MAPK10: variants seen among roughly 807,000 people sequenced by gnomAD.
The protein encoded by MAPK10 is mitogen-activated protein kinase 10, also known as JNK3 alpha protein kinase.
In MAPK10, 25 loss-of-function variants were observed where a neutral mutation model predicts 59.3. The ratio of observed to expected loss-of-function variants is 0.42; its 90% CI spans 0.31 to 0.59. The LOEUF is 0.59. Among genes scored for constraint, MAPK10 ranks in the 20% least tolerant of loss-of-function variants. MAPK10 has a pLI of 0.15. For missense variants in MAPK10, 351 were observed against 568.9 expected (o/e 0.62, Z 3.90); for synonymous variants, 190 against 200.5 (o/e 0.95, Z 0.44).
intron 2 of MAPK10, among the ~76,000 whole-genome samples, chr4:86,235,154 T>A (rs917163224): frequency 6.6e-6 from 1 of 152,192 alleles, no homozygotes; most frequent in Non-Finnish European, 1.5e-5. Flanking sequence ...TACACTGAGG[T>A]GAACTAAGGA....
intron 3 of MAPK10, among the ~76,000 whole-genome samples, chr4:86,185,936 A>C (rs903067896): frequency 6.6e-6 from 1 of 152,092 alleles, no homozygotes; most frequent in Non-Finnish European, 1.5e-5. Context: ...GATGTAGAAC[A>C]GACAGTTGAA....
intron 1 of MAPK10, among the ~76,000 whole-genome samples, chr4:86,461,004 GGGT>G (rs1157222276): frequency 9.9e-5 from 15 of 152,178 alleles, no homozygotes; most frequent in African/African-American, 3.6e-4. Context: ...CACTGGGTTA[GGGT>G]CTCCATGACC....
intron 2 of MAPK10, among the ~76,000 whole-genome samples, chr4:86,203,386 C>T (rs960286783): frequency 8.6e-5 from 13 of 151,794 alleles, no homozygotes; most frequent in African/African-American, 2.9e-4. Context: ...TGTTTAAATT[C>T]TTGTGTATCT....
At position 86,107,306 on chromosome 4, in the gene MAPK10, G is replaced by A. The variant is rs200318419; in HGVS notation, c.283C>T (p.Leu95Phe). Reference sequence around the variant, plus strand: ...GTTTGGTTCTGAAAGGGTCTGCTGAGCTTCTTAATGGCCACATTTCTGTCA... The same window carrying A: ...GTTTGGTTCTGAAAGGGTCTGCTGAACTTCTTAATGGCCACATTTCTGTCA... ...VLDRNVAIKKLSRPFQNQTHA... is the reference protein window; with the variant it reads ...VLDRNVAIKKFSRPFQNQTHA... The change falls in exon 5 of 14, where the codon CTC (leucine) becomes TTC (phenylalanine). Residue 95 changes from leucine (L) to phenylalanine (F), a missense_variant. Leu to Phe is a conservative substitution (Grantham distance 22). Around this residue, in one of 5 missense-constraint regions of MAPK10, gnomAD observed 51 missense variants for 72.7 expected, o/e 0.70. Coordinates refer to ENST00000641462, the MANE Select transcript of MAPK10 (RefSeq NM_138982.4). 6.2e-7 allele frequency: 1 copy of A among 1,613,112 alleles called. No homozygotes were observed. Among genetic ancestry groups the A allele is most frequent in the Non-Finnish European group, 8.5e-7 (1 of 1,179,464 alleles).
intron 9 of MAPK10, among the ~76,000 whole-genome samples, chr4:86,083,218 C>T (rs1039848724): frequency 2.6e-5 from 4 of 152,028 alleles, no homozygotes; most frequent in Non-Finnish European, 5.9e-5. Flanking sequence ...ACTACCTACA[C>T]CAAAAAGCAC....
chr4:86,343,166 C>T (rs575615269), intron 2 of MAPK10, among the ~76,000 whole-genome samples: 3 of 152,288 alleles, frequency 2.0e-5, no homozygotes, highest in Admixed American at 6.5e-5. Flanking sequence ...AAAATATGTT[C>T]GCATTTCCAC....
chr4:86,159,548 T>C (rs553148886), intron 3 of MAPK10, 81 bp from the exon 4 acceptor site: 13 of 1,149,880 alleles, frequency 1.1e-5, no homozygotes, highest in Non-Finnish European at 1.6e-5. Context: ...CTTGTTCTTT[T>C]AATGATTACT....
At chr4:86,412,831 T>C (rs1479513339) in intron 1 of MAPK10, among the ~76,000 whole-genome samples, 2 of 152,180 alleles carry the variant, frequency 1.3e-5, no homozygotes, top group Admixed American at 1.3e-4. Context: ...TTAGCTTCCT[T>C]GCGATGGGTT....
intron 9 of MAPK10, among the ~76,000 whole-genome samples, chr4:86,078,555 A>T (rs941698264): frequency 2.0e-5 from 3 of 151,542 alleles, no homozygotes; most frequent in African/African-American, 7.3e-5. Context: ...TGTTAAAAGA[A>T]TTTTTTTCTA....
intron 1 of MAPK10, among the ~76,000 whole-genome samples, chr4:86,544,566 T>C (rs903107344): frequency 6.6e-6 from 1 of 152,196 alleles, no homozygotes; most frequent in Non-Finnish European, 1.5e-5. Flanking sequence ...CAAACTCCAC[T>C]TTCAAATCTT....
At chr4:86,147,467 G>A (rs2065288421) in intron 4 of MAPK10, among the ~76,000 whole-genome samples, 3 of 151,818 alleles carry the variant, frequency 2.0e-5, no homozygotes, top group Admixed American at 2.0e-4. Context: ...CATGTGCCAG[G>A]CACTAATAAA....
chr4:86,399,148 AGTT>A (rs1743357975), intron 1 of MAPK10, among the ~76,000 whole-genome samples: 3 of 152,174 alleles, frequency 2.0e-5, no homozygotes, highest in Non-Finnish European at 4.4e-5. Context: ...GTTAAATAGT[AGTT>A]CTGTTTTCAG....
intron 2 of MAPK10, among the ~76,000 whole-genome samples, chr4:86,353,589 T>C (rs1257226919): frequency 1.3e-5 from 2 of 152,138 alleles, no homozygotes; most frequent in Admixed American, 6.6e-5. Context: ...AATATAATGG[T>C]AGATGGATTG....
chr4:86,309,820 CA>C (rs1289227666), intron 2 of MAPK10, among the ~76,000 whole-genome samples: 2 of 152,150 alleles, frequency 1.3e-5, no homozygotes, highest in Non-Finnish European at 2.9e-5. Flanking sequence ...TTAATAAACG[CA>C]ACCTAAGCTT....
At chr4:86,427,750 A>G (rs989455667) in intron 1 of MAPK10, among the ~76,000 whole-genome samples, 1 of 152,210 alleles carries the variant, frequency 6.6e-6, no homozygotes, top group Non-Finnish European at 1.5e-5. Context: ...ATATGTTAAA[A>G]TTTTTATACT....
chr4:86,074,693 CT>C (rs1561351334), intron 9 of MAPK10, among the ~76,000 whole-genome samples: 2 of 144,830 alleles, frequency 1.4e-5, no homozygotes, highest in Non-Finnish European at 3.0e-5. Flanking sequence ...GTTGAAAATT[CT>C]TTTCTTTAAG....
In MAPK10 at chr4:86,157,913, A is replaced by C. The variant is rs141902441; in HGVS notation, c.236+1385T>G. On this transcript the variant is annotated intron_variant, in intron 4 of 13. Coordinates refer to ENST00000641462, the MANE Select transcript of MAPK10 (RefSeq NM_138982.4). ...ATCTGTGGCAGGTCTGTTCAAAGGA[A>C]AATGAAACTATCCCAATTAATATTT... Among the ~76,000 whole-genome samples, 896 of 152,078 alleles carry C rather than the reference A, an allele frequency of 5.9e-3. 4 individuals are homozygous for C. Among genetic ancestry groups the C allele is most frequent in the Middle Eastern group, 0.014 (4 of 294 alleles).
At chr4:86,511,563 T>C (rs1436700733) in intron 1 of MAPK10, among the ~76,000 whole-genome samples, 1 of 150,582 alleles carries the variant, frequency 6.6e-6, no homozygotes, top group Non-Finnish European at 1.5e-5. Flanking sequence ...CCAGATCTTG[T>C]CTTCAAAAAA....
intron 2 of MAPK10, among the ~76,000 whole-genome samples, chr4:86,305,170 A>T (rs1462254929): frequency 1.3e-5 from 2 of 152,222 alleles, no homozygotes; most frequent in African/African-American, 2.4e-5. Flanking sequence ...AAATATTTTT[A>T]AAAATTCTGA....
Sources: gnomAD v4.1 joint callset for allele counts (sites outside exome capture counted in the v4.1 genomes callset) on GRCh38, gnomAD v4.1.1 for gene constraint, gnomAD v4.1.1 regional missense constraint, MANE v1.5 for transcripts, NCBI Gene and HGNC (gene_info 2026-07-23, HGNC 2026-07-21) for gene names.